ZBTB8B: variants seen among roughly 807,000 people sequenced by gnomAD.
ZBTB8B encodes zinc finger and BTB domain-containing protein 8B.
In ZBTB8B, 17 loss-of-function variants were observed where a neutral mutation model predicts 30.3. The observed-to-expected ratio is 0.56, with a 90% CI of 0.38 to 0.84. ZBTB8B has a LOEUF of 0.84. Among genes scored for constraint, ZBTB8B ranks in the 40% least tolerant of loss-of-function variants. The pLI is 0.00. For missense variants in ZBTB8B, 515 were observed against 644.9 expected (o/e 0.80, Z 2.18); for synonymous variants, 248 against 255.6 (o/e 0.97, Z 0.28).
chr1:32,483,750 GA>G (rs376965712), intron 3 of ZBTB8B, among the ~76,000 whole-genome samples: 9 of 145,456 alleles, frequency 6.2e-5, no homozygotes, highest in South Asian at 2.2e-4. Flanking sequence ...CAATGAGAGG[GA>G]AAAAAAAAAC....
rs149802468 is a variant in ZBTB8B at position 32,466,157 on chromosome 1, T to C, written c.-42+1052T>C. ...GGAGCAGGTTTTTGTTATTCTCAGG[T>C]TGGTGGGACTGGAGGAGTCTTGTCA... On this transcript the variant is annotated intron_variant, in intron 1 of 3. Transcript: ENST00000609129. Among the ~76,000 whole-genome samples the C allele has an allele frequency of 2.4e-3, 372 of 152,296 alleles. 2 individuals are homozygous for C. The highest frequency in any genetic ancestry group is 8.6e-3 in the African/African-American group (358 of 41,558).
At chr1:32,472,517 A>G (rs914530221) in intron 2 of ZBTB8B, among the ~76,000 whole-genome samples, 1 of 152,166 alleles carries the variant, frequency 6.6e-6, no homozygotes, top group Non-Finnish European at 1.5e-5. Flanking sequence ...TGCTCCAGAG[A>G]TTTATACTTC....
chr1:32,485,443 G>A lies in ZBTB8B; in HGVS notation c.*25G>A. 6.5e-7 allele frequency: 1 copy of A among 1,540,150 alleles called. No individual in the cohort carries two copies. Among genetic ancestry groups the A allele is most frequent in the East Asian group, 2.5e-5 (1 of 40,630 alleles). ...GCAATAAATTGGTGGGGAAGAGGAG[G>A]TTTTAAAACTTGTTAGTGCTCGTTC... is the stretch of plus-strand genomic sequence containing the variant. On this transcript the variant is annotated 3_prime_UTR_variant, in exon 4 of 4. Coordinates refer to ENST00000609129, the MANE Select transcript of ZBTB8B (RefSeq NM_001145720.2).
At chr1:32,480,865 C>G in intron 2 of ZBTB8B, 26 bp from the exon 3 acceptor site, 1 of 1,546,152 alleles carries the variant, frequency 6.5e-7, no homozygotes, top group Non-Finnish European at 8.7e-7. Context: ...TACAGCACAG[C>G]TAAATGAAAG....
At chr1:32,472,682 C>T (rs1172574394) in intron 2 of ZBTB8B, among the ~76,000 whole-genome samples, 2 of 151,916 alleles carry the variant, frequency 1.3e-5, no homozygotes, top group Non-Finnish European at 2.9e-5. Context: ...GGTGTGATCT[C>T]GGCTCACTGC....
rs1218161301 is a variant in ZBTB8B, at chr1:32,475,839, A to G, written c.991+4224A>G. Among the ~76,000 whole-genome samples, 3 of 141,034 alleles carry G rather than the reference A, an allele frequency of 2.1e-5. No homozygotes were observed. The South Asian group carries it at 6.8e-4, about 32-fold the overall frequency. 92.5% of individuals were successfully genotyped at this position (141,034 alleles called of 152,430 possible). A position where few individuals can be genotyped will look rare whatever the true frequency, so the allele number is the denominator to read the frequency against. On this transcript the variant is annotated intron_variant, in intron 2 of 3. Transcript: ENST00000609129. Reference sequence around the variant, plus strand: ...AGGTTTTTTTTTTTTTTTTTTTTAGACAGAGTCTCACTCTGTTGCCCAGGC... The same window carrying G: ...AGGTTTTTTTTTTTTTTTTTTTTAGGCAGAGTCTCACTCTGTTGCCCAGGC...
chr1:32,478,726 C>A (rs985421207), intron 2 of ZBTB8B, among the ~76,000 whole-genome samples: 4 of 152,062 alleles, frequency 2.6e-5, no homozygotes, highest in African/African-American at 9.7e-5. Flanking sequence ...AGTTTCCACC[C>A]TTACATAAAG....
chr1:32,466,415 C>A (rs1031241456), intron 1 of ZBTB8B, among the ~76,000 whole-genome samples: 1 of 152,074 alleles, frequency 6.6e-6, no homozygotes, highest in Admixed American at 6.6e-5. Flanking sequence ...GAGTTGGAAC[C>A]GTGGGATGGT....
At position 32,471,116 on chromosome 1, in the gene ZBTB8B, C is replaced by A. The variant is rs1409179724; in HGVS notation, c.492C>A (p.Gly164=). 6.4e-7 allele frequency: 1 copy of A among 1,551,476 alleles called. No individual in the cohort carries two copies. Among genetic ancestry groups the A allele is most frequent in the East Asian group, 2.4e-5 (1 of 40,934 alleles). ...TTGACAGTGAAAGCCCCAGTTCAGGCCGGGAGGGGACCTCCTGTGGTACCA... is the reference window on the plus strand; with the variant it reads ...TTGACAGTGAAAGCCCCAGTTCAGGACGGGAGGGGACCTCCTGTGGTACCA... ...HQVDSESPSS[G]REGTSCGTKS... Residue 164 remains glycine, a synonymous_variant, in exon 2 of 4, where the codon GGC becomes GGA. Coordinates refer to ENST00000609129, the MANE Select transcript of ZBTB8B (RefSeq NM_001145720.2).
At chr1:32,470,528 A>AT in intron 1 of ZBTB8B, 56 bp from the exon 2 acceptor site, 5 of 1,055,728 alleles carry the variant, frequency 4.7e-6, no homozygotes, top group Non-Finnish European at 6.5e-6. Flanking sequence ...AAAAAAAAAG[A>AT]AATCTTGTTT....
Position 32,487,407 on chromosome 1 carries a change from G to A in ZBTB8B, c.*1989G>A, listed in dbSNP as rs917655268. ...GACTCATGGCTTTGTCTTCTTGAGT[G>A]AGGTATGGACCAGTTCAGTTCTGGT... is the stretch of plus-strand genomic sequence containing the variant. On this transcript the variant is annotated 3_prime_UTR_variant, in exon 4 of 4. Transcript: ENST00000609129. 3.3e-5 allele frequency: 5 copies of A among 152,268 alleles called. No individual in the cohort carries two copies. Among genetic ancestry groups the A allele is most frequent in the African/African-American group, 7.2e-5 (3 of 41,466 alleles). 9.4% of individuals were successfully genotyped at this position (152,268 alleles called of 1,614,324 possible).
At position 32,493,827 on chromosome 1, in the gene ZBTB8B, G is replaced by C. The variant is rs1643797393; in HGVS notation, c.*8409G>C. Reference sequence around the variant, plus strand: ...TAACTTCCCATTATGTTGATCCAGTGTACTGTGACAGATGGGGAGGAGCCC... The same window carrying C: ...TAACTTCCCATTATGTTGATCCAGTCTACTGTGACAGATGGGGAGGAGCCC... On this transcript the variant is annotated 3_prime_UTR_variant, in exon 4 of 4. Coordinates refer to ENST00000609129, the MANE Select transcript of ZBTB8B (RefSeq NM_001145720.2). The C allele has an allele frequency of 6.6e-6, 1 of 152,162 alleles. No homozygotes were observed. Among genetic ancestry groups the C allele is most frequent in the Non-Finnish European group, 1.5e-5 (1 of 68,038 alleles). 9.4% of individuals were successfully genotyped at this position (152,162 alleles called of 1,614,324 possible).
rs1447394396 is a variant in ZBTB8B, at chr1:32,494,524, T to A, written c.*9106T>A. 2 of 152,154 alleles carry A rather than the reference T, an allele frequency of 1.3e-5. No individual in the cohort carries two copies. The highest frequency in any genetic ancestry group is 2.9e-5 in the Non-Finnish European group (2 of 68,052). The allele number at this position is 152,154 out of a possible 1,614,324, so 9.4% of individuals were successfully genotyped here. On this transcript the variant is annotated 3_prime_UTR_variant, in exon 4 of 4. Transcript: ENST00000609129. Reference sequence around the variant, plus strand: ...TGCATTGTGTGATTATGGTCTGCATTCTTGCAATGCTTAGACAGGGAGGGG... The same window carrying A: ...TGCATTGTGTGATTATGGTCTGCATACTTGCAATGCTTAGACAGGGAGGGG...
At position 32,490,471 on chromosome 1, in the gene ZBTB8B, A is replaced by G. The variant is rs1643772017; in HGVS notation, c.*5053A>G. On this transcript the variant is annotated 3_prime_UTR_variant, in exon 4 of 4. Transcript: ENST00000609129. The stretch of plus-strand genomic sequence containing the variant: ...CACAAACCTTTCATTGTAGTGCTGG[A>G]AATTTGAATTCTTTTCTTCAAATGA... 1 of 152,224 alleles carries G rather than the reference A, an allele frequency of 6.6e-6. No individual in the cohort carries two copies. The highest frequency in any genetic ancestry group is 1.5e-5 in the Non-Finnish European group (1 of 68,034). 9.4% of individuals were successfully genotyped at this position (152,224 alleles called of 1,614,324 possible).
At chr1:32,483,328 G>A (rs974301493) in intron 3 of ZBTB8B, among the ~76,000 whole-genome samples, 1 of 151,466 alleles carries the variant, frequency 6.6e-6, no homozygotes, top group African/African-American at 2.4e-5. Context: ...AGGAGACTGA[G>A]GCAGGAGAAT....
At position 32,474,343 on chromosome 1, in the gene ZBTB8B, C is replaced by CAAAAAAAA. The variant is rs57001984; in HGVS notation, c.991+2760_991+2767dup. On this transcript the variant is annotated intron_variant, in intron 2 of 3. Coordinates refer to ENST00000609129, the MANE Select transcript of ZBTB8B (RefSeq NM_001145720.2). ...GCAAGATGGCAAAACCCCATCTCTA[C>CAAAAAAAA]AAAAAAAAAAAAAAAAAAAAAAAAA... Among the ~76,000 whole-genome samples, 165 of 39,182 alleles carry CAAAAAAAA rather than the reference C, an allele frequency of 4.2e-3. 7 individuals carry two copies. The highest frequency in any genetic ancestry group is 5.1e-3 in the East Asian group (5 of 972). The allele number at this position is 39,182 out of a possible 152,430, so 25.7% of individuals were successfully genotyped here. A position where few individuals can be genotyped will look rare whatever the true frequency, so the allele number is the denominator to read the frequency against.
chr1:32,478,352 A>G (rs1643679310), intron 2 of ZBTB8B, among the ~76,000 whole-genome samples: 1 of 151,960 alleles, frequency 6.6e-6, no homozygotes, highest in African/African-American at 2.4e-5. Context: ...TCTCTACTAA[A>G]AATACAAAAA....
At position 32,490,397 on chromosome 1, in the gene ZBTB8B, T is replaced by C. The variant is rs768510190; in HGVS notation, c.*4979T>C. On this transcript the variant is annotated 3_prime_UTR_variant, in exon 4 of 4. Coordinates refer to ENST00000609129, the MANE Select transcript of ZBTB8B (RefSeq NM_001145720.2). Reference sequence around the variant, plus strand: ...GTGCATATGATGGGCACTGTTTTCATTGATTTCTGTTGCTTTTGTAGTTCT... The same window carrying C: ...GTGCATATGATGGGCACTGTTTTCACTGATTTCTGTTGCTTTTGTAGTTCT... 2.6e-5 allele frequency: 4 copies of C among 152,198 alleles called. No individual in the cohort carries two copies. The highest frequency in any genetic ancestry group is 5.9e-5 in the Non-Finnish European group (4 of 68,036). The allele number at this position is 152,198 out of a possible 1,614,324, so 9.4% of individuals were successfully genotyped here. A position where few individuals can be genotyped will look rare whatever the true frequency, so the allele number is the denominator to read the frequency against.
rs1448542129 is a variant in ZBTB8B at position 32,490,220 on chromosome 1, G to C, written c.*4802G>C. 1 of 152,194 alleles carries C rather than the reference G, an allele frequency of 6.6e-6. No individual in the cohort carries two copies. Among genetic ancestry groups the C allele is most frequent in the Non-Finnish European group, 1.5e-5 (1 of 68,036 alleles). The allele number at this position is 152,194 out of a possible 1,614,324, so 9.4% of individuals were successfully genotyped here. A position where few individuals can be genotyped will look rare whatever the true frequency, so the allele number is the denominator to read the frequency against. ...AGTCTAGTGTAATGGGGTAGGGAGG[G>C]GCAAAGGGTTGGGATGGGTGAGAAG... On this transcript the variant is annotated 3_prime_UTR_variant, in exon 4 of 4. Transcript: ENST00000609129.
Sources: allele counts gnomAD v4.1 joint callset (sites outside exome capture counted in the v4.1 genomes callset), GRCh38; gene constraint gnomAD v4.1.1; transcripts MANE v1.5; gene names NCBI Gene and HGNC (gene_info 2026-07-23, HGNC 2026-07-21).